Variants in PCGF3 observed in about 807,000 individuals in gnomAD.
PCGF3 encodes polycomb group RING finger protein 3.
In PCGF3, 7 loss-of-function variants were observed where a neutral mutation model predicts 33.1. The observed-to-expected ratio is 0.21, with a 90% CI of 0.12 to 0.40. The LOEUF (loss-of-function observed/expected upper bound fraction) is 0.40, where lower values mean the gene tolerates loss of function less well. Ranked by LOEUF, PCGF3 falls within the 10% of genes least tolerant of loss-of-function variation. The pLI, the probability that PCGF3 is intolerant of heterozygous loss-of-function variation, is 1.00. For missense variants in PCGF3, 211 were observed against 313.3 expected (o/e 0.67, Z 2.46); for synonymous variants, 153 against 121.3 (o/e 1.26, Z -1.72).
At chr4:710,958 C>T (rs113647254) in intron 1 of PCGF3, among the ~76,000 whole-genome samples, 441 of 152,332 alleles carry the variant, frequency 2.9e-3, no homozygotes, top group African/African-American at 0.01. Flanking sequence ...GTAGACCTTG[C>T]GCTTGCAGTT....
intron 1 of PCGF3, among the ~76,000 whole-genome samples, chr4:717,893 G>C (rs1742923586): frequency 6.6e-6 from 1 of 152,230 alleles, no homozygotes; most frequent in African/African-American, 2.4e-5. Context: ...GCCAGGGCCT[G>C]ACCTCGATGG....
chr4:738,050 C>T (rs1016509935), intron 6 of PCGF3, among the ~76,000 whole-genome samples: 2 of 152,330 alleles, frequency 1.3e-5, no homozygotes, highest in East Asian at 1.9e-4. Context: ...CCCCAGCTCC[C>T]GACACTCTCA....
rs138721082 is a variant in PCGF3 at position 763,171 on chromosome 4, G to A, written c.600+1755G>A. The stretch of plus-strand genomic sequence containing the variant: ...AAGGGAGAGAAGGAAATGGGGCAAC[G>A]CTTTTTGCTAAGTTTCTATCGTTTT... On this transcript the variant is annotated intron_variant, in intron 9 of 10. Coordinates refer to ENST00000362003, the Ensembl canonical transcript of PCGF3. 1.1e-3 allele frequency among the ~76,000 whole-genome samples: 171 copies of A among 152,304 alleles called. 1 individual carries two copies. Among genetic ancestry groups the A allele is most frequent in the East Asian group, 0.011 (58 of 5,192 alleles).
intron 1 of PCGF3, among the ~76,000 whole-genome samples, chr4:707,954 G>A (rs1183493433): frequency 8.0e-6 from 1 of 124,346 alleles, no homozygotes; most frequent in Non-Finnish European, 1.8e-5. Context: ...CCTGGGGGCC[G>A]GGACCCTGGG....
chr4:767,925 G>A (rs1342839302), exon 11 of PCGF3: 3 of 152,666 alleles, frequency 2.0e-5, no homozygotes, highest in Non-Finnish European at 4.4e-5. Flanking sequence ...GCAGTTTTAA[G>A]TGTAACGTTA....
chr4:764,874 G>C, intron 9 of PCGF3, 110 bp from the exon 10 acceptor site: 2 of 708,372 alleles, frequency 2.8e-6, no homozygotes, highest in Non-Finnish European at 5.1e-6. Context: ...CTCTAGGCAC[G>C]TTCTTGCATG....
chr4:730,801 G>C, intron 2 of PCGF3, 133 bp downstream of exon 2: 1 of 385,178 alleles, frequency 2.6e-6, no homozygotes, highest in Admixed American at 4.5e-5. Flanking sequence ...AGGACAGGCT[G>C]GAGCCATGCG....
chr4:744,243 TAGG>T (rs1403079545), intron 7 of PCGF3, among the ~76,000 whole-genome samples: 3 of 152,340 alleles, frequency 2.0e-5, no homozygotes, highest in South Asian at 2.1e-4. Flanking sequence ...AGTGGATTTT[TAGG>T]AGAAGGCTTT....
chr4:758,111 T>C (rs1437786554), intron 8 of PCGF3, among the ~76,000 whole-genome samples: 3 of 136,192 alleles, frequency 2.2e-5, no homozygotes, highest in Admixed American at 8.9e-5. Context: ...GAGGTTGCAG[T>C]GAGCCGAGAT....
intron 9 of PCGF3, chr4:761,915 A>C (rs1745082193): frequency 2.0e-6 from 2 of 985,426 alleles, no homozygotes; most frequent in Non-Finnish European, 2.4e-6. Context: ...CCAGCTTTGC[A>C]TGGAGACAGA....
chr4:761,587 A>AG, intron 9 of PCGF3, 171 bp downstream of exon 9: 1 of 923,276 alleles, frequency 1.1e-6, no homozygotes, highest in Non-Finnish European at 1.3e-6. Context: ...GACAGCCCTA[A>AG]GGGTTGTAGG....
chr4:740,879 G>A (rs1286038118), intron 6 of PCGF3, among the ~76,000 whole-genome samples: 2 of 152,124 alleles, frequency 1.3e-5, no homozygotes, highest in African/African-American at 2.4e-5. Context: ...CCTGCCTGCC[G>A]GTGGCTTTGG....
chr4:737,905 C>T (rs1024618899), intron 6 of PCGF3, among the ~76,000 whole-genome samples: 16 of 152,232 alleles, frequency 1.1e-4, no homozygotes, highest in East Asian at 3.8e-4. Context: ...AGCACGTTGG[C>T]ATAGCGGGTA....
exon 11 of PCGF3, chr4:766,130 C>T (rs373752823): frequency 8.1e-6 from 12 of 1,489,678 alleles, no homozygotes; most frequent in Admixed American, 5.1e-5. Flanking sequence ...TTGGGTGCTC[C>T]CGGCCGCCGC....
chr4:764,702 C>A (rs983256301), intron 9 of PCGF3: 2 of 351,776 alleles, frequency 5.7e-6, no homozygotes, highest in East Asian at 5.8e-5. Context: ...TGCGCCTGCA[C>A]CCCCTGCAGA....
chr4:762,236 C>T (rs1216864696), intron 9 of PCGF3: 8 of 373,650 alleles, frequency 2.1e-5, no homozygotes, highest in Non-Finnish European at 2.6e-5. Flanking sequence ...TCTGGAATAT[C>T]TGGGTGGAGC....
chr4:724,712 G>T (rs932079127), intron 1 of PCGF3, among the ~76,000 whole-genome samples: 1 of 152,094 alleles, frequency 6.6e-6, no homozygotes, highest in African/African-American at 2.4e-5. Context: ...GCAGGAGAAT[G>T]GTGTGAACCC....
chr4:742,428 T>G (rs2152589368), intron 6 of PCGF3, among the ~76,000 whole-genome samples: 1 of 152,344 alleles, frequency 6.6e-6, no homozygotes, highest in Non-Finnish European at 1.5e-5. Flanking sequence ...ATAAAAAGTT[T>G]GGTGAAGAAT....
exon 3 of PCGF3, chr4:731,066 C>T (rs1219572218): frequency 7.5e-6 from 3 of 398,534 alleles, no homozygotes; most frequent in Non-Finnish European, 1.3e-5. Context: ...GGCCTGAAGC[C>T]TCCATGCCCC....
Sources: allele counts gnomAD v4.1 joint callset (sites outside exome capture counted in the v4.1 genomes callset), GRCh38; gene constraint gnomAD v4.1.1; transcripts MANE v1.5; gene names NCBI Gene and HGNC (gene_info 2026-07-23, HGNC 2026-07-21).